SLC6A20: variants seen among roughly 807,000 people sequenced by gnomAD.
SLC6A20 encodes the protein sodium- and chloride-dependent transporter XTRP3.
SLC6A20 carries 73 observed loss-of-function variants against 64.3 expected under a neutral mutation model. That is an observed-to-expected ratio of 1.14 (90% CI 0.94 to 1.38). The LOEUF is 1.38. SLC6A20 is among the 40% of genes most tolerant of loss of function. The probability of loss-of-function intolerance (pLI) is 0.00; values close to 1 mark genes in which losing one functional copy is unlikely to be tolerated. For missense variants in SLC6A20, 725 were observed against 772.8 expected, an observed-to-expected ratio of 0.94 and a Z score of 0.73; for synonymous variants, 347 against 329.6, an observed-to-expected ratio of 1.05 and a Z score of -0.57.
rs1013109632 is a variant in SLC6A20, at chr3:45,756,609, A to T, written c.*2369T>A. 3.3e-5 allele frequency: 5 copies of T among 152,134 alleles called. No homozygotes were observed. Among genetic ancestry groups the T allele is most frequent in the Admixed American group, 2.6e-4 (4 of 15,282 alleles). 9.4% of individuals were successfully genotyped at this position (152,134 alleles called of 1,614,324 possible). A position where few individuals can be genotyped will look rare whatever the true frequency, so the allele number is the denominator to read the frequency against. ...TTTTACAGCACAAAAATAAAAAGAC[A>T]TCTCCGGCCAACGTCCCAGGTGAGT... is the stretch of plus-strand genomic sequence containing the variant. On this transcript the variant is annotated 3_prime_UTR_variant, in exon 11 of 11. Transcript: ENST00000358525.
rs148195940 is a variant in SLC6A20, at chr3:45,771,527, G to C, written c.694-69C>G. The C allele has an allele frequency of 4.5e-4, 714 of 1,596,514 alleles. 3 individuals are homozygous for C. In the African/African-American group the frequency reaches 8.0e-3, roughly 18 times the overall value. ...TCCCAAATGCTCAGACCCGCAACAG[G>C]AGAGTAGCCCAGAGAGGGGAAGGAG... On this transcript the variant is annotated intron_variant, in intron 5 of 10. Transcript: ENST00000358525.
chr3:45,759,902 G>A lies in SLC6A20; in HGVS notation c.1584C>T (p.Tyr528=), dbSNP rs772893386. Residue 528 remains tyrosine, a synonymous_variant, in exon 10 of 11, where the codon TAC becomes TAT. Transcript: ENST00000358525. ...VSLFVFYLSD[Y]ILTGTLKYQA... is the part of the protein sequence containing the mutation. Reference sequence around the variant, plus strand: ...GATACTTCAGGGTCCCCGTGAGGATGTAGTCGCTCAGGTAGAAGACAAAGA... The same window carrying A: ...GATACTTCAGGGTCCCCGTGAGGATATAGTCGCTCAGGTAGAAGACAAAGA... The A allele has an allele frequency of 8.7e-6, 14 of 1,614,054 alleles. No individual in the cohort carries two copies. The highest frequency in any genetic ancestry group is 1.2e-5 in the Non-Finnish European group (14 of 1,180,044).
At chr3:45,791,091 G>A (rs1700242774) in intron 1 of SLC6A20, among the ~76,000 whole-genome samples, 2 of 152,212 alleles carry the variant, frequency 1.3e-5, no homozygotes, top group South Asian at 2.1e-4. Context: ...TTATTTCAGC[G>A]AAGCCTCTGA....
At chr3:45,776,939 T>G (rs1445815671) in intron 3 of SLC6A20, among the ~76,000 whole-genome samples, 2 of 152,148 alleles carry the variant, frequency 1.3e-5, no homozygotes, top group African/African-American at 4.8e-5. Context: ...GGAGCCTCAA[T>G]GGTGCATGCA....
chr3:45,787,698 G>A (rs570958365), intron 1 of SLC6A20, among the ~76,000 whole-genome samples: 13 of 152,226 alleles, frequency 8.5e-5, no homozygotes, highest in South Asian at 6.2e-4. Flanking sequence ...GGCACCTGCC[G>A]CTACACTGAA....
chr3:45,790,758 G>A (rs1158956053), intron 1 of SLC6A20, among the ~76,000 whole-genome samples: 4 of 152,076 alleles, frequency 2.6e-5, no homozygotes. Context: ...CTTAAAATCT[G>A]GCTTTGCTGT....
intron 4 of SLC6A20, 83 bp downstream of exon 4, chr3:45,775,678 A>G (rs1312176141): frequency 4.5e-6 from 6 of 1,347,936 alleles, no homozygotes; most frequent in Non-Finnish European, 6.1e-6. Context: ...GGCATTGCCT[A>G]GGGTTGGAGA....
chr3:45,782,993 G>A (rs182865825), intron 1 of SLC6A20, among the ~76,000 whole-genome samples: 24 of 152,358 alleles, frequency 1.6e-4, no homozygotes, highest in African/African-American at 5.8e-4. Context: ...CATCATGCCT[G>A]GATCCATGCA....
chr3:45,796,143 T>G (rs1209890010), intron 1 of SLC6A20, among the ~76,000 whole-genome samples, 156 bp downstream of exon 1: 1 of 152,014 alleles, frequency 6.6e-6, no homozygotes, highest in Non-Finnish European at 1.5e-5. Flanking sequence ...GAACGAGGTG[T>G]CCTGGGAACA....
At chr3:45,786,097 A>G (rs1559571772) in intron 1 of SLC6A20, among the ~76,000 whole-genome samples, 1 of 152,218 alleles carries the variant, frequency 6.6e-6, no homozygotes, top group East Asian at 1.9e-4. Flanking sequence ...GTGAGAAATG[A>G]TTAATTATTG....
chr3:45,762,054 C>T (rs990089368), intron 9 of SLC6A20, among the ~76,000 whole-genome samples: 2 of 152,166 alleles, frequency 1.3e-5, no homozygotes, highest in African/African-American at 2.4e-5. Context: ...TCGCCCAAAC[C>T]GCACCCACTA....
intron 1 of SLC6A20, among the ~76,000 whole-genome samples, chr3:45,787,768 T>TG (rs2125656130): frequency 6.6e-6 from 1 of 152,296 alleles, no homozygotes; most frequent in East Asian, 1.9e-4. Flanking sequence ...AGGGTAGAGA[T>TG]GGGATCTGCA....
At chr3:45,781,479 A>G (rs1240028272) in intron 2 of SLC6A20, among the ~76,000 whole-genome samples, 1 of 152,150 alleles carries the variant, frequency 6.6e-6, no homozygotes, top group Non-Finnish European at 1.5e-5. Flanking sequence ...GTCATAAGCA[A>G]TGTGCAGGGC....
rs1699763311 is a variant in SLC6A20, at chr3:45,765,641, A to G, written c.1199T>C (p.Leu400Pro). Residue 400 changes from leucine (L) to proline (P), a missense_variant, in exon 8 of 11, where the codon CTG (leucine) becomes CCG (proline). Leu to Pro is a moderately conservative substitution (Grantham distance 98, BLOSUM62 -3). Coordinates refer to ENST00000358525, the MANE Select transcript of SLC6A20 (RefSeq NM_020208.4). This position sits in a 1 kb window ranked among gnomAD's most constrained non-coding sequence, Gnocchi z 4.2. ...LWSVLYFFML[L>P]MLGIGSMLGN... is the part of the protein sequence containing the mutation. Reference sequence around the variant, plus strand: ...CAGCATGCTCCCAATGCCCAGCATCAGCAGCATGAAGAAGTAGAGCACCGA... The same window carrying G: ...CAGCATGCTCCCAATGCCCAGCATCGGCAGCATGAAGAAGTAGAGCACCGA... 3.1e-6 allele frequency: 5 copies of G among 1,614,216 alleles called. No homozygotes were observed. In the East Asian group the frequency reaches 1.1e-4, roughly 36 times the overall value.
intron 1 of SLC6A20, among the ~76,000 whole-genome samples, chr3:45,792,728 C>T (rs1237914206): frequency 6.6e-6 from 1 of 152,236 alleles, no homozygotes; most frequent in Non-Finnish European, 1.5e-5. Context: ...CCCACCTCTC[C>T]CCAACCCCAC....
intron 2 of SLC6A20, among the ~76,000 whole-genome samples, chr3:45,780,649 C>T (rs1700065568): frequency 6.6e-6 from 1 of 152,134 alleles, no homozygotes; most frequent in Admixed American, 6.5e-5. Flanking sequence ...GTAATTCGGT[C>T]AGGCCTGCAC....
chr3:45,780,569 C>CT (rs1474800042), intron 2 of SLC6A20, among the ~76,000 whole-genome samples: 4 of 152,186 alleles, frequency 2.6e-5, no homozygotes, highest in Non-Finnish European at 5.9e-5. Flanking sequence ...CCCTCCTTGG[C>CT]TCACCAGCGG....
chr3:45,772,408 G>A (rs775587345), intron 5 of SLC6A20, 97 bp downstream of exon 5: 9 of 1,115,014 alleles, frequency 8.1e-6, no homozygotes, highest in African/African-American at 4.7e-5. Context: ...TAGGTACAGC[G>A]TTGGCCCACT....
rs1244148793 is a variant in SLC6A20 at position 45,775,929 on chromosome 3, C to T, written c.414G>A (p.Glu138=). Residue 138 remains glutamate (E), a synonymous_variant, in exon 4 of 11, where the codon GAG becomes GAA. Transcript: ENST00000358525. ...LNGNHTGYDE[E]CEKASSTQYF... ...ACTGTGTGGAGGACGCCTTCTCACACTCCTCATCGTAGCCCGTGTGGTTAC... is the reference window on the plus strand; with the variant it reads ...ACTGTGTGGAGGACGCCTTCTCACATTCCTCATCGTAGCCCGTGTGGTTAC... 3 of 1,614,210 alleles carry T rather than the reference C, an allele frequency of 1.9e-6. No individual in the cohort carries two copies. Among genetic ancestry groups the T allele is most frequent in the South Asian group, 1.1e-5 (1 of 91,082 alleles).
Sources: allele counts gnomAD v4.1 joint callset (sites outside exome capture counted in the v4.1 genomes callset), GRCh38; gene constraint gnomAD v4.1.1; non-coding constraint Gnocchi (gnomAD v3.1); transcripts MANE v1.5; gene names NCBI Gene and HGNC (gene_info 2026-07-23, HGNC 2026-07-21).